Variants in NEGR1 observed in about 807,000 individuals in gnomAD.
NEGR1 encodes the protein neuronal growth regulator 1.
Under a neutral mutation model 40.9 loss-of-function variants are expected in NEGR1, and 10 were observed. The observed-to-expected ratio is 0.24, with a 90% CI of 0.15 to 0.42. NEGR1 has a LOEUF of 0.42. Ranked by LOEUF, NEGR1 falls within the 10% of genes least tolerant of loss-of-function variation. The probability of loss-of-function intolerance (pLI) is 1.00; values close to 1 mark genes in which losing one functional copy is unlikely to be tolerated. For synonymous variants in NEGR1, 185 were observed against 166.8 expected (o/e 1.11, Z -0.84); for missense variants, 352 against 438.9 (o/e 0.80, Z 1.77).
rs142884778 is a variant in NEGR1 at position 71,520,565 on chromosome 1, T to G, written c.940+72252A>C. Among the ~76,000 whole-genome samples, 21 of 152,220 alleles carry G rather than the reference T, an allele frequency of 1.4e-4. No individual in the cohort carries two copies. The East Asian group carries it at 4.1e-3, about 30-fold the overall frequency. On this transcript the variant is annotated intron_variant, in intron 6 of 6. Transcript: ENST00000357731. The stretch of plus-strand genomic sequence containing the variant: ...TAATTACAATAATTAATGAATTAGT[T>G]ACAAATTAACTCAGGTCAAAAGCCT...
chr1:71,712,863 C>T (rs184898376), intron 3 of NEGR1, among the ~76,000 whole-genome samples: 4 of 151,754 alleles, frequency 2.6e-5, no homozygotes, highest in Admixed American at 2.0e-4. Flanking sequence ...CATCTTAACT[C>T]TCTCTCTCTC....
intron 4 of NEGR1, among the ~76,000 whole-genome samples, chr1:71,622,134 G>A (rs1650628734): frequency 6.6e-6 from 1 of 151,836 alleles, no homozygotes; most frequent in Non-Finnish European, 1.5e-5. Flanking sequence ...AATTTATTGG[G>A]CCACCAGCTG....
At chr1:72,161,676 CTTTTTTTTTTT>C (rs779074685) in intron 1 of NEGR1, among the ~76,000 whole-genome samples, 2 of 84,568 alleles carry the variant, frequency 2.4e-5, no homozygotes, top group Non-Finnish European at 4.4e-5. Context: ...TTCTTTCTTT[CTTTTTTTTTTT>C]TTTTTTTTTT....
intron 1 of NEGR1, among the ~76,000 whole-genome samples, chr1:72,138,074 G>A (rs931250787): frequency 1.3e-5 from 2 of 151,900 alleles, no homozygotes; most frequent in Non-Finnish European, 2.9e-5. Flanking sequence ...AGTACTTCAG[G>A]CATAAGGAAT....
At chr1:71,425,482 C>T (rs995744223) in intron 6 of NEGR1, among the ~76,000 whole-genome samples, 17 of 152,138 alleles carry the variant, frequency 1.1e-4, no homozygotes, top group Admixed American at 4.6e-4. Context: ...GGAGTCAGTG[C>T]TATTATTCCA....
chr1:71,474,378 A>G (rs1646804788), intron 6 of NEGR1, among the ~76,000 whole-genome samples: 1 of 149,858 alleles, frequency 6.7e-6, no homozygotes, highest in Admixed American at 6.7e-5. Flanking sequence ...CAATGAGAGA[A>G]GAAATTGTTC....
At chr1:72,000,697 T>C (rs542976642) in intron 1 of NEGR1, among the ~76,000 whole-genome samples, 2 of 152,308 alleles carry the variant, frequency 1.3e-5, no homozygotes, top group East Asian at 3.9e-4. Context: ...ATTTAAATTG[T>C]TTCTAACAGT....
chr1:71,773,100 A>C (rs1243113712), intron 3 of NEGR1, among the ~76,000 whole-genome samples: 1 of 152,164 alleles, frequency 6.6e-6, no homozygotes, highest in African/African-American at 2.4e-5. Context: ...AGCTGGCCCC[A>C]GTGATGTTTG....
chr1:72,140,203 T>A (rs1019474008), intron 1 of NEGR1, among the ~76,000 whole-genome samples: 3 of 146,372 alleles, frequency 2.0e-5, no homozygotes, highest in Non-Finnish European at 4.5e-5. Flanking sequence ...GACCTGCTCT[T>A]CAGGACTTAA....
At chr1:72,231,396 T>C (rs1654359234) in intron 1 of NEGR1, among the ~76,000 whole-genome samples, 2 of 152,158 alleles carry the variant, frequency 1.3e-5, no homozygotes, top group Non-Finnish European at 2.9e-5. Context: ...TCAAGAACCA[T>C]GATCTGGGAC....
At chr1:71,860,964 AG>A (rs1352294018) in intron 2 of NEGR1, among the ~76,000 whole-genome samples, 9 of 152,068 alleles carry the variant, frequency 5.9e-5, no homozygotes, top group Admixed American at 5.3e-4. Context: ...CAGTGAGAAG[AG>A]GCCATTGAGA....
At chr1:72,183,680 C>T (rs2100417363) in intron 1 of NEGR1, among the ~76,000 whole-genome samples, 1 of 152,190 alleles carries the variant, frequency 6.6e-6, no homozygotes, top group South Asian at 2.1e-4. Flanking sequence ...AGAAAAACTT[C>T]CCTAACTTGA....
intron 6 of NEGR1, among the ~76,000 whole-genome samples, chr1:71,442,026 A>G (rs1557527355): frequency 6.6e-6 from 1 of 152,144 alleles, no homozygotes; most frequent in Admixed American, 6.6e-5. Context: ...TACTTTGTAA[A>G]ATGATATTTA....
chr1:72,223,365 T>A (rs1043653399), intron 1 of NEGR1, among the ~76,000 whole-genome samples: 2 of 152,234 alleles, frequency 1.3e-5, no homozygotes, highest in Non-Finnish European at 2.9e-5. Flanking sequence ...CACAAAATTC[T>A]GTGTCTGATT....
rs1646292777 is a variant in NEGR1 at position 71,975,374 on chromosome 1, A to T, written c.177-40063T>A. Among the ~76,000 whole-genome samples, 3 of 152,170 alleles carry T rather than the reference A, an allele frequency of 2.0e-5. No homozygotes were observed. In the South Asian group the frequency reaches 6.2e-4, roughly 31 times the overall value. On this transcript the variant is annotated intron_variant, in intron 1 of 6. Transcript: ENST00000357731. ...TAATATACCAAGGCTATGTCTAAGG[A>T]TATTAAAAAATACTGCAACCTAAAG...
At chr1:71,742,483 G>A (rs1655246963) in intron 3 of NEGR1, among the ~76,000 whole-genome samples, 2 of 152,170 alleles carry the variant, frequency 1.3e-5, no homozygotes, top group Non-Finnish European at 2.9e-5. Context: ...AAATCATTGA[G>A]CTAAAGCAGG....
chr1:71,507,988 C>A (rs983771541), intron 6 of NEGR1, among the ~76,000 whole-genome samples: 32 of 152,274 alleles, frequency 2.1e-4, no homozygotes, highest in African/African-American at 7.2e-4. Flanking sequence ...GTCTCCCCCA[C>A]AAGTTATTAT....
At chr1:71,841,273 T>A (rs1013553664) in intron 2 of NEGR1, among the ~76,000 whole-genome samples, 1 of 152,178 alleles carries the variant, frequency 6.6e-6, no homozygotes, top group Non-Finnish European at 1.5e-5. Flanking sequence ...AATTTACATA[T>A]AAATCTATTT....
chr1:72,171,013 T>C (rs923368885), intron 1 of NEGR1, among the ~76,000 whole-genome samples: 2 of 152,162 alleles, frequency 1.3e-5, no homozygotes, highest in African/African-American at 4.8e-5. Context: ...AGGCTATTGG[T>C]ATTTCCTTTT....
Sources: gnomAD v4.1 joint callset for allele counts (sites outside exome capture counted in the v4.1 genomes callset) on GRCh38, gnomAD v4.1.1 for gene constraint, MANE v1.5 for transcripts, NCBI Gene and HGNC (gene_info 2026-07-23, HGNC 2026-07-21) for gene names.